The following EVC2 variants were observed in gnomAD, a reference collection of about 807,000 sequenced individuals.
EVC2 encodes the protein EvC ciliary complex subunit 2, also known as limbin.
In EVC2, 148 loss-of-function variants were observed where a neutral mutation model predicts 149.3. The ratio of observed to expected loss-of-function variants is 0.99; its 90% CI spans 0.87 to 1.14. The LOEUF (loss-of-function observed/expected upper bound fraction) is 1.14, where lower values mean the gene tolerates loss of function less well. Ranked by LOEUF, EVC2 falls within the 50% of genes most tolerant of loss-of-function variation. The pLI, the probability that EVC2 is intolerant of heterozygous loss-of-function variation, is 0.00. For missense variants in EVC2, 1,854 were observed against 1,627.3 expected (o/e 1.14, Z -2.40); for synonymous variants, 776 against 649.9 (o/e 1.19, Z -2.95).
intron 9 of EVC2, among the ~76,000 whole-genome samples, chr4:5,642,471 T>C (rs60932229): frequency 0.014 from 2,135 of 152,306 alleles, 41 homozygotes; most frequent in African/African-American, 0.049. Context: ...TTTTATCATG[T>C]GATAGACCAC....
At chr4:5,699,543 G>A (rs1322483232) in intron 1 of EVC2, among the ~76,000 whole-genome samples, 3 of 149,716 alleles carry the variant, frequency 2.0e-5, no homozygotes, top group African/African-American at 7.4e-5. Flanking sequence ...CAAGCCAAAT[G>A]TCCATCAATG....
At chr4:5,564,958 G>C (rs1722179758) in intron 21 of EVC2, among the ~76,000 whole-genome samples, 1 of 152,202 alleles carries the variant, frequency 6.6e-6, no homozygotes, top group Admixed American at 6.5e-5. Flanking sequence ...AAAGGGCTTT[G>C]TGAACAGTAG....
downstream of EVC2, among the ~76,000 whole-genome samples, chr4:5,537,832 GA>G (rs1721448468): frequency 6.6e-6 from 1 of 151,996 alleles, no homozygotes; most frequent in African/African-American, 2.4e-5. Context: ...CCTATATTTA[GA>G]AAAGAATTCT....
intron 9 of EVC2, among the ~76,000 whole-genome samples, chr4:5,661,949 A>G (rs1401577148): frequency 6.6e-6 from 1 of 152,206 alleles, no homozygotes; most frequent in East Asian, 1.9e-4. Context: ...GAAGTTCTTA[A>G]ACAGTGTCTG....
intron 7 of EVC2, among the ~76,000 whole-genome samples, chr4:5,672,977 G>C (rs1449351788): frequency 6.6e-6 from 1 of 152,186 alleles, no homozygotes; most frequent in Non-Finnish European, 1.5e-5. Context: ...TGAGTGGTTT[G>C]CCAGGGGCTG....
chr4:5,690,818 T>C (rs1721072562), intron 4 of EVC2, among the ~76,000 whole-genome samples: 1 of 152,176 alleles, frequency 6.6e-6, no homozygotes, highest in Admixed American at 6.5e-5. Flanking sequence ...CAGAATGGCT[T>C]TTCTGAGTTC....
intron 6 of EVC2, among the ~76,000 whole-genome samples, chr4:5,684,074 T>C (rs1720531806): frequency 6.6e-6 from 1 of 152,220 alleles, no homozygotes. Flanking sequence ...ATCATTACTT[T>C]ACCTTATCTT....
chr4:5,631,925 G>C lies in EVC2; in HGVS notation c.1578C>G (p.His526Gln). The C allele has an allele frequency of 4.3e-6, 7 of 1,614,198 alleles. No homozygotes were observed. The highest frequency in any genetic ancestry group is 5.9e-6 in the Non-Finnish European group (7 of 1,180,024). Residue 526 changes from histidine (H) to glutamine (Q), a missense_variant, in exon 11 of 22, where the codon CAC becomes CAG. Coordinates refer to ENST00000344408, the MANE Select transcript of EVC2 (RefSeq NM_147127.5). ...LQQEEDFAKA[H>Q]RQLAVFQRNE... Reference sequence around the variant, plus strand: ...TTCTCTGGAAAACAGCCAGCTGTCTGTGAGCTTTGGCAAAGTCTTCTTCTT... The same window carrying C: ...TTCTCTGGAAAACAGCCAGCTGTCTCTGAGCTTTGGCAAAGTCTTCTTCTT...
intron 7 of EVC2, among the ~76,000 whole-genome samples, chr4:5,669,653 T>C (rs569375741): frequency 1.3e-5 from 2 of 152,372 alleles, no homozygotes; most frequent in South Asian, 4.1e-4. Context: ...TCCTGCTTCA[T>C]GAAGTGGAAG....
At chr4:5,540,166 T>G (rs192478708), downstream of EVC2, among the ~76,000 whole-genome samples, 7 of 152,298 alleles carry the variant, frequency 4.6e-5, no homozygotes, top group African/African-American at 1.4e-4. Flanking sequence ...AAGTAAAATT[T>G]AAAAGACTGA....
chr4:5,703,785 C>T (rs927715317), intron 1 of EVC2, among the ~76,000 whole-genome samples: 5 of 151,938 alleles, frequency 3.3e-5, no homozygotes, highest in African/African-American at 9.7e-5. Flanking sequence ...CAGTAACATA[C>T]CATATATAGT....
chr4:5,642,051 G>T (rs1717368749), intron 9 of EVC2, among the ~76,000 whole-genome samples: 1 of 114,296 alleles, frequency 8.7e-6, no homozygotes, highest in Non-Finnish European at 1.8e-5. Context: ...TTGGTTTTCT[G>T]TTCCTGTGTT....
At chr4:5,642,722 A>G (rs60389179) in intron 9 of EVC2, among the ~76,000 whole-genome samples, 6,298 of 152,256 alleles carry the variant, frequency 0.041, 389 homozygotes, top group African/African-American at 0.14. Flanking sequence ...GGATCCTCAC[A>G]TTTAGCCCCA....
Position 5,692,173 on chromosome 4 carries a change from T to C in EVC2, c.451-840A>G, listed in dbSNP as rs987987055. 3.3e-5 allele frequency among the ~76,000 whole-genome samples: 5 copies of C among 152,186 alleles called. No homozygotes were observed. In the South Asian group the frequency reaches 1.0e-3, roughly 32 times the overall value. ...GCTCTCAGTGATATTCATAATCGTA[T>C]GTTTTGTATATTTTTTATTTATTTT... On this transcript the variant is annotated intron_variant, in intron 3 of 21. Coordinates refer to ENST00000344408, the MANE Select transcript of EVC2 (RefSeq NM_147127.5).
intron 9 of EVC2, among the ~76,000 whole-genome samples, chr4:5,644,096 G>A (rs1447034803): frequency 6.6e-6 from 1 of 152,048 alleles, no homozygotes; most frequent in Admixed American, 6.6e-5. Context: ...GCATTGATGT[G>A]TTAGGGAAGT....
intron 6 of EVC2, among the ~76,000 whole-genome samples, chr4:5,683,770 G>A (rs892862670): frequency 5.9e-5 from 9 of 151,326 alleles, no homozygotes; most frequent in African/African-American, 1.9e-4. Flanking sequence ...AGCCAGCCCG[G>A]CCCAGGAACA....
rs112759370 is a variant in EVC2 at position 5,578,165 on chromosome 4, A to C, written c.3058-1711T>G. Among the ~76,000 whole-genome samples, 897 of 152,332 alleles carry C rather than the reference A, an allele frequency of 5.9e-3. 6 individuals are homozygous for C. The highest frequency in any genetic ancestry group is 0.02 in the African/African-American group (835 of 41,578). ...CTTGGTTCTGGAATTGTCTTCCCTA[A>C]TAGCTGATTTCCTCACCAGATTTTA... On this transcript the variant is annotated intron_variant, in intron 17 of 21. Coordinates refer to ENST00000344408, the MANE Select transcript of EVC2 (RefSeq NM_147127.5).
At chr4:5,667,208 T>G (rs1035409688) in intron 7 of EVC2, among the ~76,000 whole-genome samples, 2 of 152,102 alleles carry the variant, frequency 1.3e-5, no homozygotes, top group Non-Finnish European at 2.9e-5. Context: ...AATGTGCATA[T>G]ATACATATGC....
the EVC2 span, among the ~76,000 whole-genome samples, chr4:5,529,809 A>G: frequency 1.4e-5 from 2 of 146,806 alleles, no homozygotes; most frequent in South Asian, 2.2e-4. The surrounding 1 kb of genome is among the most constrained non-coding windows in gnomAD (Gnocchi z 4.5). Flanking sequence ...TGATTAAGTT[A>G]TTTAGGTTTT....
Sources: allele counts gnomAD v4.1 joint callset (sites outside exome capture counted in the v4.1 genomes callset), GRCh38; gene constraint gnomAD v4.1.1; non-coding constraint Gnocchi (gnomAD v3.1); transcripts MANE v1.5; gene names NCBI Gene and HGNC (gene_info 2026-07-23, HGNC 2026-07-21).